The following NAV2 variants were observed in gnomAD, a reference collection of about 807,000 sequenced individuals.
NAV2 encodes the protein neuron navigator 2.
In NAV2, 54 loss-of-function variants were observed where a neutral mutation model predicts 223.2. The observed-to-expected ratio is 0.24, with a 90% CI of 0.19 to 0.30. The LOEUF is 0.30. Among genes scored for constraint, NAV2 ranks in the 10% least tolerant of loss-of-function variants. NAV2 has a pLI of 1.00. For missense variants in NAV2, 2,806 were observed against 3,147.5 expected (o/e 0.89, Z 2.60); for synonymous variants, 1,279 against 1,239.3 (o/e 1.03, Z -0.67).
chr11:20,044,535 G>T (rs751507896), intron 13 of NAV2, among the ~76,000 whole-genome samples: 1 of 152,194 alleles, frequency 6.6e-6, no homozygotes, highest in Non-Finnish European at 1.5e-5. Context: ...AATGCAGCCA[G>T]TTCAGGCTAT....
chr11:19,698,751 C>T (rs901360873), intron 1 of NAV2, among the ~76,000 whole-genome samples: 1 of 152,228 alleles, frequency 6.6e-6, no homozygotes, highest in African/African-American at 2.4e-5. Flanking sequence ...TTCAACACCT[C>T]GGTTGGCATG....
chr11:19,345,253 C>T, the NAV2 span, among the ~76,000 whole-genome samples: 3 of 152,296 alleles, frequency 2.0e-5, no homozygotes, highest in East Asian at 3.9e-4. This position sits in a 1 kb window ranked among gnomAD's most constrained non-coding sequence, Gnocchi z 5.2. Flanking sequence ...AAGCGCGGGC[C>T]GGAGTGCAGT....
chr11:19,644,653 T>A (rs1472301469), intron 1 of NAV2, among the ~76,000 whole-genome samples: 1 of 152,086 alleles, frequency 6.6e-6, no homozygotes, highest in African/African-American at 2.4e-5. Context: ...TGGAAAGAAG[T>A]AGTGGATTTT....
chr11:19,450,347 T>C (rs1218327322), intron 1 of NAV2, among the ~76,000 whole-genome samples: 1 of 152,176 alleles, frequency 6.6e-6, no homozygotes, highest in East Asian at 1.9e-4. Context: ...TTTCTCTTTG[T>C]CAGTGTCTAA....
Position 19,826,577 on chromosome 11 carries a change from A to T in NAV2, c.268-5907A>T, listed in dbSNP as rs75269690. 6.1e-3 allele frequency among the ~76,000 whole-genome samples: 932 copies of T among 152,324 alleles called. 8 individuals carry two copies. The highest frequency in any genetic ancestry group is 9.5e-3 in the Non-Finnish European group (648 of 68,034). On this transcript the variant is annotated intron_variant, in intron 1 of 37. Transcript: ENST00000349880. ...AGATGGGGCTGAATTTATGTCCATGATTAGCATGGCCCATGAACACTGACT... is the reference window on the plus strand; with the variant it reads ...AGATGGGGCTGAATTTATGTCCATGTTTAGCATGGCCCATGAACACTGACT...
chr11:20,011,268 T>A lies in NAV2; in HGVS notation c.2769-24691T>A, dbSNP rs2053543308. Among the ~76,000 whole-genome samples, 2 of 152,230 alleles carry A rather than the reference T, an allele frequency of 1.3e-5. 1 individual carries two copies. Among genetic ancestry groups the A allele is most frequent in the South Asian group, 4.1e-4 (2 of 4,838 alleles). ...TAAATGTGATTTTCTTGTTTTTTTT[T>A]AAGCCTATGTTTAATTTTGGAAAAA... On this transcript the variant is annotated intron_variant, in intron 11 of 37. Transcript: ENST00000349880.
rs1274277302 is a variant in NAV2, at chr11:20,045,454, A to G, written c.3686A>G (p.Lys1229Arg). 1.2e-6 allele frequency: 2 copies of G among 1,614,190 alleles called. No homozygotes were observed. Among genetic ancestry groups the G allele is most frequent in the Admixed American group, 1.7e-5 (1 of 60,016 alleles). The change falls in exon 14 of 38, where the codon AAA (lysine) becomes AGA (arginine). Residue 1229 changes from lysine to arginine, a missense_variant. Physicochemically the swap from Lys to Arg is conservative, Grantham distance 26. Coordinates refer to ENST00000349880, the MANE Select transcript of NAV2 (RefSeq NM_145117.5). ...AAGTCCGCAGGCCTGCCAGTGCCCA[A>G]ACTGAGGGAGCCTTCCAAAACAGCC... ...SSKSAGLPVP[K>R]LREPSKTALG... is the part of the protein sequence containing the mutation.
chr11:20,107,057 AT>A (rs10590815), intron 35 of NAV2, among the ~76,000 whole-genome samples: 1 of 27,254 alleles, frequency 3.7e-5, no homozygotes, highest in Admixed American at 6.2e-4. Flanking sequence ...ATGGGCTTCC[AT>A]TTTTTTTTTT....
intron 1 of NAV2, among the ~76,000 whole-genome samples, chr11:19,760,323 G>T (rs997334880): frequency 2.6e-5 from 4 of 152,160 alleles, no homozygotes; most frequent in African/African-American, 9.7e-5. Context: ...GGGCAATCCA[G>T]TAGGTTTATA....
chr11:19,527,210 A>G (rs1030594350), intron 1 of NAV2, among the ~76,000 whole-genome samples: 2 of 152,138 alleles, frequency 1.3e-5, no homozygotes, highest in African/African-American at 2.4e-5. Context: ...ATGGTAATGA[A>G]TAAGTCTCAC....
intron 6 of NAV2, among the ~76,000 whole-genome samples, chr11:19,929,229 G>A (rs111720679): frequency 0.017 from 2,641 of 152,158 alleles, 82 homozygotes; most frequent in African/African-American, 0.061. Context: ...CTGCAGCCTG[G>A]GTGACAGAGT....
At chr11:20,062,767 T>C (rs1294518946) in intron 20 of NAV2, among the ~76,000 whole-genome samples, 2 of 152,252 alleles carry the variant, frequency 1.3e-5, no homozygotes, top group Non-Finnish European at 2.9e-5. Flanking sequence ...TGATCTCGGC[T>C]CACTGCAACC....
intron 1 of NAV2, among the ~76,000 whole-genome samples, chr11:19,682,335 T>C (rs1056861708): frequency 1.3e-5 from 2 of 152,234 alleles, no homozygotes; most frequent in South Asian, 4.1e-4. Flanking sequence ...ATCCAATTGT[T>C]ATCCTACTTA....
At chr11:19,486,590 A>G (rs979269312) in intron 1 of NAV2, among the ~76,000 whole-genome samples, 1 of 152,200 alleles carries the variant, frequency 6.6e-6, no homozygotes, top group African/African-American at 2.4e-5. Context: ...TCCTGCCACC[A>G]TGTAAAGAAG....
At chr11:19,572,634 A>G (rs182813996) in intron 1 of NAV2, among the ~76,000 whole-genome samples, 1 of 152,324 alleles carries the variant, frequency 6.6e-6, no homozygotes, top group East Asian at 1.9e-4. Context: ...AGGTAGTTAC[A>G]TGGTGGTCAG....
At chr11:19,628,971 C>T (rs2047259822) in intron 1 of NAV2, among the ~76,000 whole-genome samples, 1 of 152,204 alleles carries the variant, frequency 6.6e-6, no homozygotes, top group Admixed American at 6.5e-5. Context: ...GAGACTACAG[C>T]CCTATCTCCT....
At chr11:19,476,984 G>A (rs949850602) in intron 1 of NAV2, among the ~76,000 whole-genome samples, 1 of 152,158 alleles carries the variant, frequency 6.6e-6, no homozygotes, top group African/African-American at 2.4e-5. Context: ...TGTCAGGTGG[G>A]AGGCTTAAAG....
At chr11:19,642,217 TCC>T (rs2047685407) in intron 1 of NAV2, among the ~76,000 whole-genome samples, 1 of 152,040 alleles carries the variant, frequency 6.6e-6, no homozygotes, top group African/African-American at 2.4e-5. Context: ...ACTCTTCAAG[TCC>T]CAGCCAGCCC....
chr11:19,359,473 C>A (rs1853808737), intron 1 of NAV2, among the ~76,000 whole-genome samples: 1 of 151,976 alleles, frequency 6.6e-6, no homozygotes, highest in South Asian at 2.1e-4. Context: ...TCAGATGTAC[C>A]CAAAAGGGGA....
Sources: allele counts gnomAD v4.1 joint callset (sites outside exome capture counted in the v4.1 genomes callset), GRCh38; gene constraint gnomAD v4.1.1; non-coding constraint Gnocchi (gnomAD v3.1); transcripts MANE v1.5; gene names NCBI Gene and HGNC (gene_info 2026-07-23, HGNC 2026-07-21).